The following IL7 variants were observed in gnomAD, a reference collection of about 807,000 sequenced individuals.
IL7 encodes interleukin 7.
A neutral mutation model predicts 21.6 loss-of-function variants in IL7; 3 were observed. The observed-to-expected ratio is 0.14, with a 90% confidence interval of 0.06 to 0.36. IL7 has a LOEUF of 0.36. IL7 is among the 10% of genes least tolerant of loss of function. The probability of loss-of-function intolerance (pLI) is 1.00; values close to 1 mark genes in which losing one functional copy is unlikely to be tolerated. For missense variants in IL7, 175 were observed against 200.2 expected (o/e 0.87, Z 0.76); for synonymous variants, 62 against 68.1 (o/e 0.91, Z 0.44).
intron 2 of IL7, among the ~76,000 whole-genome samples, chr8:78,782,343 A>T (rs775406802): frequency 3.3e-5 from 5 of 151,996 alleles, no homozygotes; most frequent in African/African-American, 4.8e-5. Context: ...CATCTTGCTG[A>T]GGTTATCTAC....
chr8:78,801,340 G>C (rs550630095), intron 1 of IL7, among the ~76,000 whole-genome samples: 1 of 152,300 alleles, frequency 6.6e-6, no homozygotes, highest in South Asian at 2.1e-4. Flanking sequence ...TTTGAGAGTT[G>C]AAGTAGTTGA....
chr8:78,783,943 C>T (rs980638899), intron 2 of IL7, among the ~76,000 whole-genome samples: 4 of 152,002 alleles, frequency 2.6e-5, no homozygotes, highest in Non-Finnish European at 5.9e-5. Context: ...CAAAAATAAG[C>T]GAGCCATTAG....
At chr8:78,760,021 T>G (rs1352513173) in intron 2 of IL7, 1 of 630,478 alleles carries the variant, frequency 1.6e-6, no homozygotes, top group Admixed American at 4.1e-5. Flanking sequence ...AGATTATCAA[T>G]GGCTAATGTA....
chr8:78,746,033 T>TA (rs1811967894), intron 2 of IL7, among the ~76,000 whole-genome samples: 1 of 152,216 alleles, frequency 6.6e-6, no homozygotes. Flanking sequence ...AAAATAAACT[T>TA]ATCACACCAA....
intron 3 of IL7, among the ~76,000 whole-genome samples, chr8:78,710,244 A>T (rs1810910699): frequency 6.6e-6 from 1 of 152,172 alleles, no homozygotes; most frequent in Admixed American, 6.5e-5. Context: ...TAAAAATAGC[A>T]TTCATTAACT....
At chr8:78,749,783 T>C (rs1401434301) in intron 2 of IL7, among the ~76,000 whole-genome samples, 1 of 152,034 alleles carries the variant, frequency 6.6e-6, no homozygotes, top group Non-Finnish European at 1.5e-5. Flanking sequence ...GGGAAAAAAC[T>C]ATTATAAAAT....
At chr8:78,707,851 TTTTC>T (rs1810824063) in intron 3 of IL7, among the ~76,000 whole-genome samples, 1 of 83,550 alleles carries the variant, frequency 1.2e-5, no homozygotes. Context: ...CTTCCTTTTT[TTTTC>T]TTTTTTTTTT....
rs764005317 is a variant in IL7, at chr8:78,733,647, A to G, written c.*66T>C. On this transcript the variant is annotated 3_prime_UTR_variant, in exon 6 of 6. Transcript: ENST00000263851. ...GAAGCATTCCACTCTGAAAAACTGC[A>G]TAAGCAGATAGATTCTTGGAGGATG... The G allele has an allele frequency of 1.1e-4, 164 of 1,541,190 alleles. No homozygotes were observed. Among genetic ancestry groups the G allele is most frequent in the Admixed American group, 1.6e-4 (8 of 50,416 alleles).
intron 2 of IL7, among the ~76,000 whole-genome samples, chr8:78,767,328 T>C (rs1019832047): frequency 1.4e-4 from 22 of 152,124 alleles, no homozygotes; most frequent in African/African-American, 5.3e-4. Flanking sequence ...TTTAACATAA[T>C]TTATATTTAT....
At chr8:78,736,115 T>G (rs1290341411) in intron 5 of IL7, among the ~76,000 whole-genome samples, 3 of 151,594 alleles carry the variant, frequency 2.0e-5, no homozygotes, top group Non-Finnish European at 4.4e-5. Context: ...CTTTACAAAC[T>G]AACAGGGATG....
chr8:78,710,187 A>G (rs1036296422), intron 3 of IL7, among the ~76,000 whole-genome samples: 4 of 152,178 alleles, frequency 2.6e-5, no homozygotes, highest in African/African-American at 9.7e-5. Flanking sequence ...TTTGTTTTTG[A>G]TAGCCTAATG....
At chr8:78,746,946 A>T in intron 2 of IL7, 1 of 410,000 alleles carries the variant, frequency 2.4e-6, no homozygotes, top group Middle Eastern at 3.6e-4. Flanking sequence ...TTTTTTTCAT[A>T]TTTTTCTTTT....
downstream of IL7, among the ~76,000 whole-genome samples, chr8:78,731,057 A>T (rs1330695570): frequency 6.6e-6 from 1 of 151,996 alleles, no homozygotes; most frequent in Non-Finnish European, 1.5e-5. Flanking sequence ...GACCTACAGT[A>T]CAAGATACGT....
chr8:78,690,813 G>T lies in IL7; in HGVS notation n.215-4866C>A, dbSNP rs188118863. Reference sequence around the variant, plus strand: ...ATTATATAGGTCATACACATGTTTTGTTAGATTTTCCAAGTATATCATGTA... The same window carrying T: ...ATTATATAGGTCATACACATGTTTTTTTAGATTTTCCAAGTATATCATGTA... On this transcript the variant is annotated intron_variant and non_coding_transcript_variant, in intron 3 of 4. Coordinates refer to the IL7 transcript ENST00000523959. Among the ~76,000 whole-genome samples, 60 of 152,182 alleles carry T rather than the reference G, an allele frequency of 3.9e-4. 1 individual carries two copies. In the South Asian group the frequency reaches 9.5e-3, roughly 24 times the overall value.
At chr8:78,787,494 G>C (rs1379995011) in intron 2 of IL7, among the ~76,000 whole-genome samples, 1 of 152,056 alleles carries the variant, frequency 6.6e-6, no homozygotes, top group African/African-American at 2.4e-5. Flanking sequence ...TTTTCCCACA[G>C]ATACTCTCTG....
intron 2 of IL7, among the ~76,000 whole-genome samples, chr8:78,786,185 G>A (rs1321854262): frequency 6.6e-6 from 1 of 152,060 alleles, no homozygotes; most frequent in Admixed American, 6.6e-5. Flanking sequence ...AAACATCATA[G>A]AACCCAAACC....
intron 2 of IL7, among the ~76,000 whole-genome samples, chr8:78,757,622 C>T (rs1310518983): frequency 6.6e-6 from 1 of 151,882 alleles, no homozygotes; most frequent in African/African-American, 2.4e-5. Context: ...TGAATTGATC[C>T]CTTCATCATT....
chr8:78,780,273 C>T (rs146111043), intron 2 of IL7, among the ~76,000 whole-genome samples: 3,023 of 152,098 alleles, frequency 0.02, 57 homozygotes, highest in Non-Finnish European at 0.025. Context: ...CTTCTGCTAG[C>T]TTTGTGGTTT....
chr8:78,727,114 T>C (rs1811352782), intron 3 of IL7, among the ~76,000 whole-genome samples: 1 of 151,972 alleles, frequency 6.6e-6, no homozygotes, highest in Non-Finnish European at 1.5e-5. Flanking sequence ...ATCTGTCCAT[T>C]CTCTGTTGTC....
Sources: allele counts gnomAD v4.1 joint callset (sites outside exome capture counted in the v4.1 genomes callset), GRCh38; gene constraint gnomAD v4.1.1; transcripts MANE v1.5; gene names NCBI Gene and HGNC (gene_info 2026-07-23, HGNC 2026-07-21).